The following TBC1D9 variants were observed in gnomAD, a reference collection of about 807,000 sequenced individuals.
TBC1D9 encodes the protein TBC1 domain family member 9.
In TBC1D9, 63 loss-of-function variants were observed where a neutral mutation model predicts 132.0. The observed-to-expected ratio is 0.48, with a 90% confidence interval of 0.39 to 0.59. The LOEUF (loss-of-function observed/expected upper bound fraction) is 0.59, where lower values mean the gene tolerates loss of function less well. TBC1D9 is among the 20% of genes least tolerant of loss of function. The pLI is 0.00. For synonymous variants in TBC1D9, 610 were observed against 609.9 expected (o/e 1.00, Z 0.00); for missense variants, 1,261 against 1,592.7 (o/e 0.79, Z 3.54).
chr4:140,643,760 C>A, intron 13 of TBC1D9: 1 of 1,084,206 alleles, frequency 9.2e-7, no homozygotes, highest in South Asian at 1.5e-5. Flanking sequence ...CAGGCCCCTC[C>A]GCAAAGTCTG....
At position 140,667,226 on chromosome 4, in the gene TBC1D9, G is replaced by A. The variant is rs1474465285; in HGVS notation, c.1588+1691C>T. 3.3e-5 allele frequency among the ~76,000 whole-genome samples: 5 copies of A among 152,150 alleles called. No homozygotes were observed. In the East Asian group the frequency reaches 7.7e-4, roughly 23 times the overall value. On this transcript the variant is annotated intron_variant, in intron 9 of 20. Coordinates refer to ENST00000442267, the MANE Select transcript of TBC1D9 (RefSeq NM_015130.3). ...CGGGCTCAGTTATCACCCCAACAGA[G>A]GGCCGTGTGGAGACCACCCTGCGGT...
In TBC1D9 at chr4:140,678,935, C is replaced by A; in HGVS notation, c.851+7G>T. The stretch of plus-strand genomic sequence containing the variant: ...AGTCTGGAAGATACAAGGTCTCTAT[C>A]ACCCACCGTTTTAGAGCAGACACTT... On this transcript the variant is annotated splice_region_variant and intron_variant, in intron 5 of 20. Coordinates refer to ENST00000442267, the MANE Select transcript of TBC1D9 (RefSeq NM_015130.3). 6.2e-7 allele frequency: 1 copy of A among 1,612,814 alleles called. No individual in the cohort carries two copies. Among genetic ancestry groups the A allele is most frequent in the Non-Finnish European group, 8.5e-7 (1 of 1,179,162 alleles).
At chr4:140,731,213 A>G (rs1738584281) in intron 1 of TBC1D9, among the ~76,000 whole-genome samples, 1 of 152,310 alleles carries the variant, frequency 6.6e-6, no homozygotes, top group African/African-American at 2.4e-5. Context: ...CTGCAGCACA[A>G]TGATGATGGT....
At chr4:140,754,167 G>A (rs532445303) in intron 1 of TBC1D9, among the ~76,000 whole-genome samples, 1 of 152,304 alleles carries the variant, frequency 6.6e-6, no homozygotes, top group Non-Finnish European at 1.5e-5. Context: ...GAAAAAGAAG[G>A]CTCTGAATCC....
chr4:140,680,994 G>A (rs933962688), intron 3 of TBC1D9, among the ~76,000 whole-genome samples: 2 of 152,036 alleles, frequency 1.3e-5, no homozygotes, highest in African/African-American at 4.8e-5. Context: ...TATTTTTATT[G>A]CAGACTGGCT....
intron 1 of TBC1D9, among the ~76,000 whole-genome samples, chr4:140,712,932 C>T (rs149170585): frequency 9.9e-5 from 15 of 151,920 alleles, no homozygotes; most frequent in African/African-American, 3.1e-4. Context: ...TTTCTGCAAC[C>T]GGTTACAGGG....
At chr4:140,735,680 C>T (rs1457780750) in intron 1 of TBC1D9, among the ~76,000 whole-genome samples, 3 of 152,186 alleles carry the variant, frequency 2.0e-5, no homozygotes, top group Non-Finnish European at 4.4e-5. Flanking sequence ...CACTGCACTC[C>T]AGCCCAGATG....
intron 1 of TBC1D9, among the ~76,000 whole-genome samples, chr4:140,704,472 G>A (rs1738120901): frequency 6.7e-6 from 1 of 149,582 alleles, no homozygotes; most frequent in Admixed American, 6.7e-5. Context: ...AAAAAGAATC[G>A]GCCTGTGTGG....
intron 13 of TBC1D9, chr4:140,645,573 TC>T (rs1475791399): frequency 3.6e-6 from 1 of 278,862 alleles, no homozygotes; most frequent in African/African-American, 2.3e-5. Context: ...ATCATTATCT[TC>T]CCCCAGTAGT....
chr4:140,662,943 A>G (rs1392461611), intron 9 of TBC1D9, among the ~76,000 whole-genome samples: 1 of 152,212 alleles, frequency 6.6e-6, no homozygotes, highest in African/African-American at 2.4e-5. Context: ...TCCTGAAACC[A>G]TAAAACTAGT....
chr4:140,652,011 G>C (rs1172772316), intron 13 of TBC1D9, among the ~76,000 whole-genome samples: 1 of 152,132 alleles, frequency 6.6e-6, no homozygotes, highest in African/African-American at 2.4e-5. Flanking sequence ...GGCTGAGGTG[G>C]ATGGATCACT....
intron 5 of TBC1D9, 94 bp downstream of exon 5, chr4:140,678,845 AACC>A: frequency 7.0e-7 from 1 of 1,422,558 alleles, no homozygotes; most frequent in Non-Finnish European, 9.6e-7. Flanking sequence ...GAGTGTTCAG[AACC>A]CTTGAAGATC....
At chr4:140,734,562 T>C (rs984403984) in intron 1 of TBC1D9, among the ~76,000 whole-genome samples, 2 of 152,044 alleles carry the variant, frequency 1.3e-5, no homozygotes, top group Non-Finnish European at 2.9e-5. Flanking sequence ...AAGGCTGAGA[T>C]TGGAAGATTG....
intron 1 of TBC1D9, among the ~76,000 whole-genome samples, chr4:140,709,018 T>C (rs758493115): frequency 1.3e-5 from 2 of 152,142 alleles, no homozygotes; most frequent in African/African-American, 2.4e-5. Flanking sequence ...ATAAGTATCA[T>C]ACATTCTTCC....
chr4:140,698,678 C>T (rs1359631096), intron 2 of TBC1D9, among the ~76,000 whole-genome samples: 2 of 149,176 alleles, frequency 1.3e-5, no homozygotes, highest in African/African-American at 2.5e-5. Context: ...GCAGATGTTG[C>T]AGTGAGCTGA....
chr4:140,649,735 GA>G (rs1737158885), intron 13 of TBC1D9, among the ~76,000 whole-genome samples: 1 of 152,144 alleles, frequency 6.6e-6, no homozygotes, highest in African/African-American at 2.4e-5. Context: ...AGAAGAGGGT[GA>G]GGGGGGCAGA....
intron 1 of TBC1D9, among the ~76,000 whole-genome samples, chr4:140,751,209 C>T (rs953314346): frequency 5.3e-5 from 8 of 152,230 alleles, no homozygotes; most frequent in African/African-American, 1.7e-4. Flanking sequence ...AATAAAACTA[C>T]AGTGTGGTGT....
intron 13 of TBC1D9, among the ~76,000 whole-genome samples, chr4:140,639,968 C>T (rs909022376): frequency 6.6e-6 from 1 of 152,176 alleles, no homozygotes; most frequent in African/African-American, 2.4e-5. Flanking sequence ...CCAAACCAGT[C>T]TTTCTATCTG....
intron 15 of TBC1D9, among the ~76,000 whole-genome samples, chr4:140,635,046 C>T (rs1433354532): frequency 6.6e-6 from 1 of 152,200 alleles, no homozygotes; most frequent in East Asian, 1.9e-4. Flanking sequence ...CAACCCCACA[C>T]AGGCATTTAT....
Sources: allele counts gnomAD v4.1 joint callset (sites outside exome capture counted in the v4.1 genomes callset), GRCh38; gene constraint gnomAD v4.1.1; transcripts MANE v1.5; gene names NCBI Gene and HGNC (gene_info 2026-07-23, HGNC 2026-07-21).